The following TOX variants were observed in gnomAD, a reference collection of about 807,000 sequenced individuals.
TOX encodes the protein thymocyte selection-associated high mobility group box protein TOX.
In TOX, 11 loss-of-function variants were observed where a neutral mutation model predicts 53.7. That is an observed-to-expected ratio of 0.20 (90% confidence interval 0.13 to 0.34). The LOEUF (loss-of-function observed/expected upper bound fraction) is 0.34. TOX is among the 10% of genes least tolerant of loss of function. TOX has a pLI of 1.00. For missense variants in TOX, 570 were observed against 664.6 expected, an observed-to-expected ratio of 0.86 and a Z score of 1.56; for synonymous variants, 225 against 245.3, an observed-to-expected ratio of 0.92 and a Z score of 0.77.
At chr8:59,046,584 G>A (rs146255025) in intron 1 of TOX, among the ~76,000 whole-genome samples, 2 of 152,270 alleles carry the variant, frequency 1.3e-5, no homozygotes, top group African/African-American at 4.8e-5. Context: ...TAGGCCGGGG[G>A]TGGTGGCTCA....
At chr8:58,813,396 GC>G in intron 7 of TOX, among the ~76,000 whole-genome samples, 1 of 152,168 alleles carries the variant, frequency 6.6e-6, no homozygotes, top group Non-Finnish European at 1.5e-5. Flanking sequence ...GGAAGAAACA[GC>G]CCCCAACTAT....
intron 1 of TOX, among the ~76,000 whole-genome samples, chr8:59,009,519 T>C (rs1041065944): frequency 6.6e-6 from 1 of 152,026 alleles, no homozygotes; most frequent in Non-Finnish European, 1.5e-5. Context: ...ACTACAGAAG[T>C]GTGCCTCCAC....
chr8:59,023,981 T>C (rs1814188845), intron 1 of TOX, among the ~76,000 whole-genome samples: 1 of 152,160 alleles, frequency 6.6e-6, no homozygotes, highest in Non-Finnish European at 1.5e-5. Context: ...TAGTTTTCAC[T>C]ACAATCAAGA....
chr8:59,028,435 T>G (rs1434316952), intron 1 of TOX, among the ~76,000 whole-genome samples: 1 of 152,150 alleles, frequency 6.6e-6, no homozygotes, highest in African/African-American at 2.4e-5. Context: ...CAAAAATGAA[T>G]TGTTTGCAAA....
At chr8:59,115,708 T>C (rs1003061838) in intron 1 of TOX, among the ~76,000 whole-genome samples, 1 of 152,180 alleles carries the variant, frequency 6.6e-6, no homozygotes, top group African/African-American at 2.4e-5. Context: ...ACACTGCTAT[T>C]TCCAACACTG....
intron 3 of TOX, among the ~76,000 whole-genome samples, chr8:58,925,859 T>C (rs1585904697): frequency 6.6e-6 from 1 of 152,234 alleles, no homozygotes; most frequent in East Asian, 1.9e-4. Flanking sequence ...TATGTTTCTA[T>C]AGCTTTCTGC....
At chr8:59,088,452 A>C (rs1213396046) in intron 1 of TOX, among the ~76,000 whole-genome samples, 3 of 152,224 alleles carry the variant, frequency 2.0e-5, no homozygotes, top group Non-Finnish European at 4.4e-5. Flanking sequence ...TGGATAACTT[A>C]GGCCAAAAAT....
intron 6 of TOX, among the ~76,000 whole-genome samples, chr8:58,826,386 T>A (rs980798739): frequency 1.3e-5 from 2 of 152,238 alleles, no homozygotes; most frequent in Non-Finnish European, 2.9e-5. Context: ...GTGTTTTTAT[T>A]TTCAAACAAA....
chr8:59,100,025 T>C lies in TOX; in HGVS notation c.102+18861A>G, dbSNP rs112070316. On this transcript the variant is annotated intron_variant, in intron 1 of 8. Coordinates refer to ENST00000361421, the MANE Select transcript of TOX (RefSeq NM_014729.3). ...TTCCATTTAAAGACATGGAGTAGAA[T>C]TGCATCTTTTTTTTTTTCCCATAAA... 1.1e-3 allele frequency among the ~76,000 whole-genome samples: 174 copies of C among 152,236 alleles called. 2 individuals are homozygous for C. The highest frequency in any genetic ancestry group is 4.0e-3 in the African/African-American group (168 of 41,560).
At chr8:59,052,720 T>A (rs1803813870) in intron 1 of TOX, among the ~76,000 whole-genome samples, 1 of 152,162 alleles carries the variant, frequency 6.6e-6, no homozygotes, top group Non-Finnish European at 1.5e-5. Context: ...TTGCTTAACA[T>A]CTCTGTTCAT....
intron 6 of TOX, among the ~76,000 whole-genome samples, chr8:58,818,979 G>T (rs1294150553): frequency 1.3e-5 from 2 of 152,114 alleles, no homozygotes; most frequent in South Asian, 2.1e-4. Flanking sequence ...CCTGCTTCTG[G>T]CTTCGCTTTT....
chr8:59,021,529 G>C (rs1814136743), intron 1 of TOX, among the ~76,000 whole-genome samples: 1 of 130,620 alleles, frequency 7.7e-6, no homozygotes, highest in African/African-American at 2.8e-5. Flanking sequence ...GATATATATA[G>C]ATAGAGATAG....
chr8:59,116,421 T>G (rs938944439), intron 1 of TOX, among the ~76,000 whole-genome samples: 1 of 152,228 alleles, frequency 6.6e-6, no homozygotes, highest in Non-Finnish European at 1.5e-5. Flanking sequence ...CTTCTTCCAT[T>G]TCCCTGCAAA....
At chr8:58,825,176 A>G (rs1810345475) in intron 6 of TOX, among the ~76,000 whole-genome samples, 1 of 152,178 alleles carries the variant, frequency 6.6e-6, no homozygotes, top group Non-Finnish European at 1.5e-5. Flanking sequence ...ATCCACTCAC[A>G]TACAACATTG....
rs529321150 is a variant in TOX, at chr8:58,883,000, T to C, written c.412-31195A>G. On this transcript the variant is annotated intron_variant, in intron 3 of 8. Transcript: ENST00000361421. ...CTCATTTCTGAATAAAGGCAAACCA[T>C]AGATTTCTCTGACACACACACGTAC... Among the ~76,000 whole-genome samples, 329 of 152,346 alleles carry C rather than the reference T, an allele frequency of 2.2e-3. 1 individual carries two copies. The highest frequency in any genetic ancestry group is 3.4e-3 in the Middle Eastern group (1 of 294).
At chr8:58,839,723 T>C (rs1167796731) in intron 4 of TOX, among the ~76,000 whole-genome samples, 2 of 152,204 alleles carry the variant, frequency 1.3e-5, no homozygotes, top group East Asian at 3.8e-4. Context: ...TCACCTTCTA[T>C]TGTGGTGGTT....
rs533040975 is a variant in TOX, at chr8:58,986,934, T to G, written c.103-26926A>C. Among the ~76,000 whole-genome samples, 3 of 152,312 alleles carry G rather than the reference T, an allele frequency of 2.0e-5. No individual in the cohort carries two copies. The South Asian group carries it at 6.2e-4, about 32-fold the overall frequency. ...CCTGTCTCATCCTGCTGTGGAGAAG[T>G]GAGGCCTAGGTGTTAACATGGAAAG... On this transcript the variant is annotated intron_variant, in intron 1 of 8. Transcript: ENST00000361421.
chr8:58,947,979 A>G (rs140389047), intron 2 of TOX, among the ~76,000 whole-genome samples: 2 of 152,370 alleles, frequency 1.3e-5, no homozygotes, highest in Middle Eastern at 3.4e-3. Context: ...CACCAATCAA[A>G]GCAAACTTCA....
intron 3 of TOX, among the ~76,000 whole-genome samples, chr8:58,861,116 A>G (rs1041647244): frequency 7.9e-5 from 12 of 152,214 alleles, no homozygotes; most frequent in African/African-American, 2.9e-4. Flanking sequence ...AGCCCTTGAA[A>G]GGGCTTTCCT....
Sources: allele counts gnomAD v4.1 joint callset (sites outside exome capture counted in the v4.1 genomes callset), GRCh38; gene constraint gnomAD v4.1.1; transcripts MANE v1.5; gene names NCBI Gene and HGNC (gene_info 2026-07-23, HGNC 2026-07-21).